NUP210L: variants seen among roughly 807,000 people sequenced by gnomAD.
NUP210L encodes the protein nucleoporin 210 like, also known as nuclear pore membrane glycoprotein 210-like.
Under a neutral mutation model 208.5 loss-of-function variants are expected in NUP210L, and 74 were observed. The ratio of observed to expected loss-of-function variants is 0.35; its 90% CI spans 0.29 to 0.43. The LOEUF is 0.43. Among genes scored for constraint, NUP210L ranks in the 20% least tolerant of loss-of-function variants. NUP210L has a pLI of 1.00. For synonymous variants in NUP210L, 780 were observed against 816.9 expected (o/e 0.95, Z 0.77); for missense variants, 1,843 against 2,289.4 (o/e 0.81, Z 3.98).
intron 20 of NUP210L, 37 bp downstream of exon 20, chr1:154,060,503 C>A (rs747679628): frequency 7.6e-7 from 1 of 1,319,168 alleles, no homozygotes; most frequent in South Asian, 1.2e-5. Flanking sequence ...GAGCTTTGGC[C>A]TGAGACCATC....
intron 10 of NUP210L, among the ~76,000 whole-genome samples, chr1:154,125,790 C>T (rs1445810158): frequency 1.3e-4 from 5 of 37,454 alleles, no homozygotes; most frequent in South Asian, 2.7e-3. Context: ...TTTTTTGAGA[C>T]GGAGTCTCGC....
chr1:154,066,720 GA>G (rs1654439907), intron 17 of NUP210L, among the ~76,000 whole-genome samples: 1 of 152,126 alleles, frequency 6.6e-6, no homozygotes, highest in African/African-American at 2.4e-5. Flanking sequence ...AGAAAAGAGA[GA>G]GGAATCAAAT....
At chr1:154,002,308 A>G (rs934430183) in intron 35 of NUP210L, among the ~76,000 whole-genome samples, 6 of 152,096 alleles carry the variant, frequency 3.9e-5, no homozygotes, top group South Asian at 2.1e-4. Flanking sequence ...CCGACCTCCC[A>G]GGCTCTGGCG....
At chr1:154,019,096 G>A in intron 32 of NUP210L, 27 bp from the exon 33 acceptor site, 1 of 1,612,114 alleles carries the variant, frequency 6.2e-7, no homozygotes, top group Admixed American at 1.7e-5. Flanking sequence ...GAAAACACTT[G>A]GCTGAAGCCT....
chr1:153,992,945 G>T lies in NUP210L; in HGVS notation c.5567-10C>A. ...GTGGAGTTAAAAAAACCTAGAAGAA[G>T]AGGGAAAAGTTGAGTGAATTAAACG... On this transcript the variant is annotated splice_polypyrimidine_tract_variant and intron_variant, in intron 39 of 39. Transcript: ENST00000368559. 6.2e-7 allele frequency: 1 copy of T among 1,609,710 alleles called. No individual in the cohort carries two copies.
chr1:154,121,970 G>A (rs1211848420), intron 10 of NUP210L, among the ~76,000 whole-genome samples: 1 of 151,676 alleles, frequency 6.6e-6, no homozygotes, highest in Non-Finnish European at 1.5e-5. Context: ...ATAGAAAACA[G>A]ACAAATAGAG....
Position 154,065,892 on chromosome 1 carries a change from C to CA in NUP210L, c.2555-4219dup, listed in dbSNP as rs58053478. 7.6e-3 allele frequency among the ~76,000 whole-genome samples: 465 copies of CA among 61,070 alleles called. 12 individuals carry two copies. Among genetic ancestry groups the CA allele is most frequent in the South Asian group, 0.021 (31 of 1,490 alleles). 40.1% of individuals were successfully genotyped at this position (61,070 alleles called of 152,430 possible). ...TGGGCAACACAGTGAGACTCTGTCT[C>CA]AAAAAAAAAAAAAAAAAAAAAAAAA... On this transcript the variant is annotated intron_variant, in intron 17 of 39. Coordinates refer to ENST00000368559, the Ensembl canonical transcript of NUP210L.
In NUP210L at chr1:154,061,062, G is replaced by T. The variant is rs768858895; in HGVS notation, c.2644-16C>A. 2.6e-6 allele frequency: 4 copies of T among 1,553,998 alleles called. No individual in the cohort carries two copies. The highest frequency in any genetic ancestry group is 1.1e-5 in the South Asian group (1 of 89,720). On this transcript the variant is annotated splice_polypyrimidine_tract_variant and intron_variant, in intron 18 of 39. Coordinates refer to ENST00000368559, the Ensembl canonical transcript of NUP210L. ...TGGAAATTTCCTAGAAATATAATAA[G>T]AACCACAAAAGTGAATATAAACATC...
At chr1:154,080,838 G>A (rs1655281021) in intron 16 of NUP210L, among the ~76,000 whole-genome samples, 1 of 151,940 alleles carries the variant, frequency 6.6e-6, no homozygotes, top group South Asian at 2.1e-4. Flanking sequence ...TGGGCATGGT[G>A]GCATGTGCTC....
At chr1:154,060,549 G>A in exon 20 of NUP210L, 2 of 1,608,976 alleles carry the variant, frequency 1.2e-6, no homozygotes, top group South Asian at 1.1e-5. Context: ...CCTCAACAGA[G>A]CTTTCTGCTT....
intron 37 of NUP210L, chr1:153,995,774 T>C (rs2147877256): frequency 4.4e-6 from 3 of 675,224 alleles, no homozygotes; most frequent in Admixed American, 3.6e-5. Flanking sequence ...GCATGTGGCA[T>C]GTGCCCAGGC....
intron 10 of NUP210L, among the ~76,000 whole-genome samples, chr1:154,120,797 G>A (rs1481655744): frequency 6.7e-6 from 1 of 150,200 alleles, no homozygotes. Flanking sequence ...ACAGGAGGCT[G>A]AGGCAGGAGA....
intron 12 of NUP210L, among the ~76,000 whole-genome samples, chr1:154,115,007 G>C (rs749719607): frequency 6.6e-6 from 1 of 152,020 alleles, no homozygotes; most frequent in Non-Finnish European, 1.5e-5. Context: ...TGATTTACCT[G>C]TTAAAAAAGA....
chr1:154,143,477 C>T (rs1223591532), exon 3 of NUP210L: 2 of 1,613,944 alleles, frequency 1.2e-6, no homozygotes, highest in South Asian at 1.1e-5. Context: ...CCATCAGTTC[C>T]AGTGGCGAAT....
rs558024709 is a variant in NUP210L, at chr1:154,147,906, C to T, written c.341-4329G>A. On this transcript the variant is annotated intron_variant, in intron 2 of 39. Transcript: ENST00000368559. Reference sequence around the variant, plus strand: ...TCCTGACCTCGTAATCCACCCGCCTCGGCCTCCCAAAGTGCTGGGATTACA... The same window carrying T: ...TCCTGACCTCGTAATCCACCCGCCTTGGCCTCCCAAAGTGCTGGGATTACA... 8.9e-5 allele frequency among the ~76,000 whole-genome samples: 13 copies of T among 146,244 alleles called. No individual in the cohort carries two copies. The East Asian group carries it at 1.5e-3, about 17-fold the overall frequency.
At chr1:154,125,605 A>C (rs930849484) in intron 10 of NUP210L, among the ~76,000 whole-genome samples, 1 of 122,956 alleles carries the variant, frequency 8.1e-6, no homozygotes, top group African/African-American at 3.0e-5. Context: ...CTGGCTGATG[A>C]AATGAGGCCC....
chr1:154,012,199 G>A (rs1408300653), intron 34 of NUP210L, 45 bp downstream of exon 34: 7 of 1,588,150 alleles, frequency 4.4e-6, no homozygotes, highest in East Asian at 2.2e-5. Flanking sequence ...GAGGGAAAAC[G>A]AGAAAGATAG....
chr1:154,114,314 A>C (rs1448479902), intron 12 of NUP210L, among the ~76,000 whole-genome samples: 1 of 152,050 alleles, frequency 6.6e-6, no homozygotes, highest in Admixed American at 6.6e-5. Flanking sequence ...AAAATAAAAT[A>C]AAATCTTTTA....
intron 16 of NUP210L, among the ~76,000 whole-genome samples, chr1:154,081,813 C>T (rs1471534632): frequency 6.6e-6 from 1 of 152,022 alleles, no homozygotes; most frequent in Non-Finnish European, 1.5e-5. Flanking sequence ...GAGACCCTGA[C>T]TCTACAGAAA....
Sources: gnomAD v4.1 joint callset for allele counts (sites outside exome capture counted in the v4.1 genomes callset) on GRCh38, gnomAD v4.1.1 for gene constraint, MANE v1.5 for transcripts, NCBI Gene and HGNC (gene_info 2026-07-23, HGNC 2026-07-21) for gene names.